Variants in JAZF1 observed in about 807,000 individuals in gnomAD.
JAZF1 encodes the protein juxtaposed with another zinc finger protein 1.
Under a neutral mutation model 26.4 loss-of-function variants are expected in JAZF1, and 8 were observed. That is an observed-to-expected ratio of 0.30 (90% CI 0.18 to 0.55). JAZF1 has a LOEUF of 0.55. Among genes scored for constraint, JAZF1 ranks in the 20% least tolerant of loss-of-function variants. The pLI, the probability that JAZF1 is intolerant of heterozygous loss-of-function variation, is 0.94. For missense variants in JAZF1, 199 were observed against 322.0 expected (o/e 0.62, Z 2.92); for synonymous variants, 126 against 122.3 (o/e 1.03, Z -0.20).
At chr7:28,158,562 A>G (rs892340330) in intron 1 of JAZF1, among the ~76,000 whole-genome samples, 6 of 152,176 alleles carry the variant, frequency 3.9e-5, no homozygotes, top group Admixed American at 3.9e-4. Context: ...ATAAGCCCCA[A>G]ATTAGATCCT....
chr7:28,114,568 C>A (rs1314306957), intron 1 of JAZF1, among the ~76,000 whole-genome samples: 3 of 148,954 alleles, frequency 2.0e-5, no homozygotes, highest in Non-Finnish European at 4.4e-5. Flanking sequence ...GGTGTACTGT[C>A]AACCAAATAC....
In JAZF1 at chr7:28,017,634, C is replaced by G. The variant is rs566753976; in HGVS notation, c.116-25653G>C. Among the ~76,000 whole-genome samples the G allele has an allele frequency of 5.9e-5, 9 of 152,374 alleles. No homozygotes were observed. The South Asian group carries it at 1.4e-3, about 25-fold the overall frequency. On this transcript the variant is annotated intron_variant, in intron 1 of 4. Coordinates refer to ENST00000283928, the MANE Select transcript of JAZF1 (RefSeq NM_175061.4). ...CATCCATTCCACATCTATTTTCCAGCAGCCATGTCCTAGGCACATGAGTGC... is the reference window on the plus strand; with the variant it reads ...CATCCATTCCACATCTATTTTCCAGGAGCCATGTCCTAGGCACATGAGTGC...
At chr7:28,171,763 A>T (rs1209340316) in intron 1 of JAZF1, among the ~76,000 whole-genome samples, 1 of 152,224 alleles carries the variant, frequency 6.6e-6, no homozygotes, top group Non-Finnish European at 1.5e-5. Context: ...AGCGGAAGGC[A>T]GTACTTACAG....
intron 1 of JAZF1, among the ~76,000 whole-genome samples, chr7:28,117,476 T>C (rs377287660): frequency 5.9e-5 from 9 of 152,236 alleles, no homozygotes; most frequent in Admixed American, 1.3e-4. Context: ...GTCATAACTC[T>C]GTTGAATATG....
At chr7:27,987,772 G>C (rs930781147) in intron 2 of JAZF1, among the ~76,000 whole-genome samples, 2 of 152,262 alleles carry the variant, frequency 1.3e-5, no homozygotes, top group Admixed American at 1.3e-4. Context: ...GGAAAAGAAA[G>C]AGAGATCAGA....
intron 2 of JAZF1, among the ~76,000 whole-genome samples, chr7:27,956,821 T>TTTTC (rs1785103573): frequency 6.6e-6 from 1 of 152,144 alleles, no homozygotes; most frequent in African/African-American, 2.4e-5. Flanking sequence ...GAGAAGAATA[T>TTTTC]TTTCAAATTG....
In JAZF1 at chr7:27,842,597, GC is replaced by G. The variant is rs1395268003; in HGVS notation, c.386-1731del. Reference sequence around the variant, plus strand: ...GGCCATAGCTCCCTAAATAAAGAGAGCCGGTTTGGAAACGCTTGTACCAAGT... The same window carrying G: ...GGCCATAGCTCCCTAAATAAAGAGAGCGGTTTGGAAACGCTTGTACCAAGT... On this transcript the variant is annotated intron_variant, in intron 3 of 4. Coordinates refer to ENST00000283928, the MANE Select transcript of JAZF1 (RefSeq NM_175061.4). The G allele has an allele frequency of 1.3e-4, 20 of 152,288 alleles. No homozygotes were observed. The East Asian group carries it at 3.9e-3, about 29-fold the overall frequency. 9.4% of individuals were successfully genotyped at this position (152,288 alleles called of 1,614,324 possible).
chr7:27,960,048 T>C (rs1162727839), intron 2 of JAZF1, among the ~76,000 whole-genome samples: 4 of 152,218 alleles, frequency 2.6e-5, no homozygotes, highest in Non-Finnish European at 5.9e-5. Flanking sequence ...ACTGCTACCT[T>C]GCCACCTACT....
intron 1 of JAZF1, among the ~76,000 whole-genome samples, chr7:28,082,445 C>T (rs556599972): frequency 6.3e-4 from 96 of 152,284 alleles, no homozygotes; most frequent in African/African-American, 2.2e-3. Flanking sequence ...AGTCTTTGAC[C>T]TTGGGGATCT....
At chr7:27,854,703 C>T (rs1350170417) in intron 3 of JAZF1, among the ~76,000 whole-genome samples, 3 of 152,206 alleles carry the variant, frequency 2.0e-5, no homozygotes, top group Admixed American at 6.5e-5. Context: ...GGCCCCCACT[C>T]TCTTCTGGCT....
chr7:27,932,248 T>C (rs1042008215), intron 2 of JAZF1, among the ~76,000 whole-genome samples: 1 of 152,220 alleles, frequency 6.6e-6, no homozygotes. Context: ...TTCCCCCAAC[T>C]GTTCTCAAGT....
At chr7:28,073,651 G>A (rs912588272) in intron 1 of JAZF1, among the ~76,000 whole-genome samples, 1 of 152,116 alleles carries the variant, frequency 6.6e-6, no homozygotes, top group Non-Finnish European at 1.5e-5. Context: ...CACAGGGAAC[G>A]TGCTTATTTA....
At chr7:27,920,048 G>A (rs1784503586) in intron 2 of JAZF1, among the ~76,000 whole-genome samples, 1 of 152,102 alleles carries the variant, frequency 6.6e-6, no homozygotes, top group Non-Finnish European at 1.5e-5. Flanking sequence ...GGTGTTTGAG[G>A]AACCAAAAGC....
chr7:27,832,348 A>T lies in JAZF1; in HGVS notation c.*452T>A, dbSNP rs996891139. 63 of 221,196 alleles carry T rather than the reference A, an allele frequency of 2.8e-4. No individual in the cohort carries two copies. The highest frequency in any genetic ancestry group is 1.4e-3 in the African/African-American group (61 of 44,818). 13.7% of individuals were successfully genotyped at this position (221,196 alleles called of 1,614,324 possible). ...CTAACTCCATTATGTAAGGCATGGT[A>T]ACCAGTTTGATAATGAAGGTATTAT... On this transcript the variant is annotated 3_prime_UTR_variant, in exon 5 of 5. Transcript: ENST00000283928.
intron 1 of JAZF1, among the ~76,000 whole-genome samples, chr7:28,086,572 C>T (rs1244525905): frequency 6.6e-6 from 1 of 152,224 alleles, no homozygotes; most frequent in African/African-American, 2.4e-5. Context: ...CCCAGGGTAA[C>T]AGAGCAGCAC....
At chr7:27,889,831 G>T (rs1203262333) in intron 3 of JAZF1, among the ~76,000 whole-genome samples, 4 of 152,176 alleles carry the variant, frequency 2.6e-5, no homozygotes, top group African/African-American at 9.6e-5. Context: ...TACTTGGGAG[G>T]CAGAGGTCAG....
intron 1 of JAZF1, among the ~76,000 whole-genome samples, chr7:28,148,418 A>G (rs558721420): frequency 3.1e-4 from 47 of 152,320 alleles, no homozygotes; most frequent in African/African-American, 1.1e-3. Context: ...TAGAGGCCGC[A>G]TAGCAGAGCA....
At chr7:28,069,336 C>T (rs1402807213) in intron 1 of JAZF1, among the ~76,000 whole-genome samples, 1 of 152,210 alleles carries the variant, frequency 6.6e-6, no homozygotes, top group Non-Finnish European at 1.5e-5. Context: ...ACCTGGAGAT[C>T]AAGTATGGTA....
intron 1 of JAZF1, among the ~76,000 whole-genome samples, chr7:28,057,573 GAAAGT>G (rs1195624108): frequency 7.9e-5 from 12 of 152,102 alleles, no homozygotes; most frequent in East Asian, 5.8e-4. Context: ...AAACATACAC[GAAAGT>G]AAAGAGAATG....
Sources: allele counts gnomAD v4.1 joint callset (sites outside exome capture counted in the v4.1 genomes callset), GRCh38; gene constraint gnomAD v4.1.1; transcripts MANE v1.5; gene names NCBI Gene and HGNC (gene_info 2026-07-23, HGNC 2026-07-21).